RARRES1: variants seen among roughly 807,000 people sequenced by gnomAD.
RARRES1 encodes the protein retinoic acid receptor responder 1, also known as retinoic acid receptor responder protein 1.
In RARRES1, 34 loss-of-function variants were observed where a neutral mutation model predicts 30.6. The ratio of observed to expected loss-of-function variants is 1.11; its 90% CI spans 0.84 to 1.48. The LOEUF (loss-of-function observed/expected upper bound fraction) is 1.48, where lower values mean the gene tolerates loss of function less well. Among genes scored for constraint, RARRES1 ranks in the 40% most tolerant of loss-of-function variants. RARRES1 has a pLI of 0.00. For missense variants in RARRES1, 373 were observed against 386.5 expected (o/e 0.97, Z 0.29); for synonymous variants, 153 against 155.5 (o/e 0.98, Z 0.12).
chr3:158,709,134 G>T (rs182673954), intron 3 of RARRES1, among the ~76,000 whole-genome samples: 4 of 152,266 alleles, frequency 2.6e-5, no homozygotes, highest in African/African-American at 9.6e-5. Context: ...CTCTATTAAA[G>T]AAGTTTTTTG....
chr3:158,713,943 T>C, intron 1 of RARRES1, 84 bp from the exon 2 acceptor site: 1 of 1,251,914 alleles, frequency 8.0e-7, no homozygotes, highest in Non-Finnish European at 1.2e-6. Flanking sequence ...TAGGATAACA[T>C]GGCATGCAAA....
intron 4 of RARRES1, among the ~76,000 whole-genome samples, chr3:158,703,793 A>G (rs1559868297): frequency 6.6e-6 from 1 of 152,164 alleles, no homozygotes; most frequent in African/African-American, 2.4e-5. Context: ...CAGTCCTTAC[A>G]TAACTTACCT....
intron 1 of RARRES1, among the ~76,000 whole-genome samples, chr3:158,730,582 C>T (rs1044768548): frequency 5.9e-5 from 9 of 151,794 alleles, no homozygotes; most frequent in South Asian, 2.1e-4. Flanking sequence ...CACAGGCCCA[C>T]GCCACCACAT....
chr3:158,709,620 G>A (rs892089698), intron 3 of RARRES1, among the ~76,000 whole-genome samples: 3 of 152,216 alleles, frequency 2.0e-5, no homozygotes, highest in Non-Finnish European at 4.4e-5. Flanking sequence ...ATGGGGAGCA[G>A]AGACATTCAG....
At chr3:158,726,041 T>G (rs773686219) in intron 1 of RARRES1, among the ~76,000 whole-genome samples, 1 of 152,246 alleles carries the variant, frequency 6.6e-6, no homozygotes, top group Non-Finnish European at 1.5e-5. Context: ...CTAATGCCTA[T>G]AAAAGCCCTT....
intron 3 of RARRES1, among the ~76,000 whole-genome samples, chr3:158,708,542 C>T (rs1044397129): frequency 2.0e-5 from 3 of 152,080 alleles, no homozygotes; most frequent in African/African-American, 7.2e-5. Flanking sequence ...AAAAAACAGA[C>T]AACTTAAGGG....
chr3:158,719,189 T>C (rs1727419002), intron 1 of RARRES1, among the ~76,000 whole-genome samples: 1 of 152,174 alleles, frequency 6.6e-6, no homozygotes. Context: ...TAAAAAATTA[T>C]GTATAAAAGA....
chr3:158,720,297 A>AGC (rs1404120848), intron 1 of RARRES1, among the ~76,000 whole-genome samples: 132 of 149,874 alleles, frequency 8.8e-4, no homozygotes, highest in African/African-American at 3.2e-3. Flanking sequence ...AGAGAGAGAG[A>AGC]GCGCTGGGAT....
chr3:158,718,210 C>A (rs1327715151), intron 1 of RARRES1, among the ~76,000 whole-genome samples: 7 of 152,058 alleles, frequency 4.6e-5, no homozygotes, highest in African/African-American at 1.5e-4. Flanking sequence ...GATCTCCTGA[C>A]CTCATGATCC....
At position 158,698,089 on chromosome 3, in the gene RARRES1, C is replaced by T. The variant is rs1356328386; in HGVS notation, c.673-119G>A. 4.3e-6 allele frequency: 3 copies of T among 689,980 alleles called. No homozygotes were observed. The African/African-American group carries it at 5.6e-5, about 13-fold the overall frequency. The allele number at this position is 689,980 out of a possible 1,614,324, so 42.7% of individuals were successfully genotyped here. A position where few individuals can be genotyped will look rare whatever the true frequency, so the allele number is the denominator to read the frequency against. ...TCTCCTACTGCCTTTTCGATTTCAG[C>T]CTCACGGTTTTTGGTGGTATTTTGC... On this transcript the variant is annotated intron_variant, in intron 4 of 5. Transcript: ENST00000237696.
chr3:158,712,063 G>A (rs1162444083), intron 2 of RARRES1, among the ~76,000 whole-genome samples: 1 of 152,164 alleles, frequency 6.6e-6, no homozygotes, highest in African/African-American at 2.4e-5. Context: ...AATAAGAGAA[G>A]CCAGGGAACT....
chr3:158,717,853 GCCACCCTC>G (rs1362777131), intron 1 of RARRES1, among the ~76,000 whole-genome samples: 1 of 152,036 alleles, frequency 6.6e-6, no homozygotes, highest in Non-Finnish European at 1.5e-5. Context: ...GCTGCGGCAG[GCCACCCTC>G]CCACCAGCCA....
At chr3:158,712,481 C>T (rs1312268246) in intron 2 of RARRES1, among the ~76,000 whole-genome samples, 2 of 152,188 alleles carry the variant, frequency 1.3e-5, no homozygotes, top group Non-Finnish European at 2.9e-5. Context: ...GAAACACTTT[C>T]CAGTAGGCAA....
intron 1 of RARRES1, among the ~76,000 whole-genome samples, chr3:158,724,644 A>G (rs920954284): frequency 2.0e-5 from 3 of 150,790 alleles, no homozygotes; most frequent in African/African-American, 7.3e-5. Context: ...CAGAACCATA[A>G]GTGAGTAAGT....
chr3:158,710,274 C>T (rs1362563589), intron 3 of RARRES1, among the ~76,000 whole-genome samples: 1 of 148,788 alleles, frequency 6.7e-6, no homozygotes, highest in Non-Finnish European at 1.5e-5. Context: ...GTGGCACAGT[C>T]TCAGCTCACT....
At chr3:158,719,927 G>A (rs1449107196) in intron 1 of RARRES1, among the ~76,000 whole-genome samples, 1 of 152,116 alleles carries the variant, frequency 6.6e-6, no homozygotes, top group Non-Finnish European at 1.5e-5. Context: ...CATCATTGGA[G>A]GGAATCATGA....
chr3:158,719,264 C>T (rs1376911524), intron 1 of RARRES1, among the ~76,000 whole-genome samples: 1 of 141,650 alleles, frequency 7.1e-6, no homozygotes, highest in African/African-American at 2.7e-5. Context: ...ATGGTTTATG[C>T]TCTAATTTTT....
intron 3 of RARRES1, among the ~76,000 whole-genome samples, chr3:158,705,296 C>T (rs1726882333): frequency 6.6e-6 from 1 of 152,336 alleles, no homozygotes; most frequent in East Asian, 1.9e-4. Context: ...CTCCCTGAGA[C>T]CACAGCCACA....
At chr3:158,721,615 G>C (rs1296420864) in intron 1 of RARRES1, among the ~76,000 whole-genome samples, 1 of 152,192 alleles carries the variant, frequency 6.6e-6, no homozygotes, top group Non-Finnish European at 1.5e-5. Flanking sequence ...ATGCCTGAGA[G>C]TATCATCAGG....
Sources: allele counts gnomAD v4.1 joint callset (sites outside exome capture counted in the v4.1 genomes callset), GRCh38; gene constraint gnomAD v4.1.1; transcripts MANE v1.5; gene names NCBI Gene and HGNC (gene_info 2026-07-23, HGNC 2026-07-21).